The following LUZP2 variants were observed in gnomAD, a reference collection of about 807,000 sequenced individuals.
LUZP2 encodes the protein leucine zipper protein 2.
A neutral mutation model predicts 51.6 loss-of-function variants in LUZP2; 52 were observed. The ratio of observed to expected loss-of-function variants is 1.01; its 90% CI spans 0.81 to 1.27. The LOEUF (loss-of-function observed/expected upper bound fraction) is 1.27. Ranked by LOEUF, LUZP2 falls within the 50% of genes most tolerant of loss-of-function variation. The pLI is 0.00. For synonymous variants in LUZP2, 154 were observed against 137.3 expected, an observed-to-expected ratio of 1.12 and a Z score of -0.85; for missense variants, 436 against 395.4, an observed-to-expected ratio of 1.10 and a Z score of -0.87.
intron 4 of LUZP2, among the ~76,000 whole-genome samples, chr11:24,749,941 G>A (rs1190972121): frequency 4.6e-5 from 7 of 152,034 alleles, no homozygotes; most frequent in African/African-American, 9.7e-5. Flanking sequence ...ATGGGACTTC[G>A]CCTTGTGATC....
chr11:24,566,560 G>GTA (rs1428306081), intron 1 of LUZP2, among the ~76,000 whole-genome samples: 21 of 144,260 alleles, frequency 1.5e-4, no homozygotes, highest in Non-Finnish European at 3.0e-4. Context: ...ATATGTATGT[G>GTA]TATATATATC....
intron 6 of LUZP2, among the ~76,000 whole-genome samples, chr11:24,908,388 T>A (rs1216786696): frequency 6.6e-6 from 1 of 152,198 alleles, no homozygotes; most frequent in Non-Finnish European, 1.5e-5. Flanking sequence ...ATAAAAAAGC[T>A]GAGCTAAAAT....
At chr11:24,532,534 T>C (rs1851039536) in intron 1 of LUZP2, among the ~76,000 whole-genome samples, 1 of 151,108 alleles carries the variant, frequency 6.6e-6, no homozygotes. Context: ...TCTCTCCCAC[T>C]TCCATCCTTC....
At chr11:24,545,691 C>T (rs896198577) in intron 1 of LUZP2, among the ~76,000 whole-genome samples, 1 of 151,394 alleles carries the variant, frequency 6.6e-6, no homozygotes, top group Non-Finnish European at 1.5e-5. Flanking sequence ...TGCTGTAGCA[C>T]CATAGTATAG....
chr11:24,890,441 C>G (rs1243369261), intron 5 of LUZP2, among the ~76,000 whole-genome samples: 2 of 152,154 alleles, frequency 1.3e-5, no homozygotes, highest in African/African-American at 2.4e-5. Flanking sequence ...CAGATGCAAT[C>G]TCTTAAACAA....
intron 1 of LUZP2, among the ~76,000 whole-genome samples, chr11:24,634,142 GT>G (rs1410650672): frequency 1.3e-5 from 2 of 151,900 alleles, no homozygotes; most frequent in African/African-American, 4.8e-5. Context: ...CATCTTATAT[GT>G]AAATGAATTT....
At chr11:24,820,204 A>G (rs1439125542) in intron 5 of LUZP2, among the ~76,000 whole-genome samples, 1 of 152,174 alleles carries the variant, frequency 6.6e-6, no homozygotes, top group South Asian at 2.1e-4. Flanking sequence ...TGGACTTTAG[A>G]TAACATTTCG....
At chr11:24,849,346 G>T (rs79035224) in intron 5 of LUZP2, among the ~76,000 whole-genome samples, 3,375 of 152,050 alleles carry the variant, frequency 0.022, 130 homozygotes, top group African/African-American at 0.076. Flanking sequence ...TATCCTCATT[G>T]TTCAACTCTC....
chr11:24,712,844 T>C (rs17307006), intron 1 of LUZP2, among the ~76,000 whole-genome samples: 3,763 of 152,310 alleles, frequency 0.025, 63 homozygotes, highest in Non-Finnish European at 0.037. Flanking sequence ...TAATGCTGCT[T>C]TAAACTTATT....
intron 7 of LUZP2, among the ~76,000 whole-genome samples, chr11:24,925,308 C>T (rs1854191794): frequency 6.6e-6 from 1 of 152,106 alleles, no homozygotes; most frequent in African/African-American, 2.4e-5. Context: ...TTGGCCTGAA[C>T]TAATTTTTCA....
At chr11:24,883,544 G>T (rs1277576768) in intron 5 of LUZP2, among the ~76,000 whole-genome samples, 1 of 151,930 alleles carries the variant, frequency 6.6e-6, no homozygotes, top group Non-Finnish European at 1.5e-5. Context: ...TTATTGTTTG[G>T]CTTGAACTGC....
At chr11:24,640,883 T>C (rs1286395750) in intron 1 of LUZP2, among the ~76,000 whole-genome samples, 1 of 151,680 alleles carries the variant, frequency 6.6e-6, no homozygotes, top group Non-Finnish European at 1.5e-5. Flanking sequence ...TATGAAAGTG[T>C]ACTGCTTGTC....
chr11:24,727,066 T>C (rs938627264), intron 1 of LUZP2, among the ~76,000 whole-genome samples: 32 of 152,090 alleles, frequency 2.1e-4, no homozygotes, highest in Non-Finnish European at 3.4e-4. Flanking sequence ...AAATTGGTTC[T>C]GTTTTCTTCA....
intron 1 of LUZP2, among the ~76,000 whole-genome samples, chr11:24,625,657 T>C (rs1854650330): frequency 1.3e-5 from 2 of 151,844 alleles, no homozygotes; most frequent in Non-Finnish European, 2.9e-5. Context: ...AGAAAGTCCT[T>C]GAGGAAAAGT....
chr11:24,786,186 A>C (rs1849240230), intron 5 of LUZP2: 2 of 969,062 alleles, frequency 2.1e-6, no homozygotes, highest in Non-Finnish European at 2.5e-6. Context: ...ACCAAGAAGC[A>C]TATTATATAT....
intron 1 of LUZP2, among the ~76,000 whole-genome samples, chr11:24,727,489 T>C (rs1024250910): frequency 6.6e-6 from 1 of 152,046 alleles, no homozygotes; most frequent in Non-Finnish European, 1.5e-5. Context: ...TAACCCTATA[T>C]ATAATATGAC....
At chr11:24,864,652 A>G (rs905827317) in intron 5 of LUZP2, among the ~76,000 whole-genome samples, 10 of 152,176 alleles carry the variant, frequency 6.6e-5, no homozygotes, top group African/African-American at 2.4e-4. Flanking sequence ...ATGTTAGTGA[A>G]AAAGAACAAA....
chr11:24,577,134 A>C (rs568886514), intron 1 of LUZP2, among the ~76,000 whole-genome samples: 1 of 135,518 alleles, frequency 7.4e-6, no homozygotes, highest in Non-Finnish European at 1.6e-5. Flanking sequence ...TAGTATAATT[A>C]ATTGTTTATC....
At chr11:24,931,118 T>C (rs1023405244) in intron 7 of LUZP2, among the ~76,000 whole-genome samples, 2 of 151,552 alleles carry the variant, frequency 1.3e-5, no homozygotes, top group African/African-American at 4.9e-5. Flanking sequence ...GGCTGAAGCA[T>C]GAGAATCACT....
Sources: gnomAD v4.1 joint callset for allele counts (sites outside exome capture counted in the v4.1 genomes callset) on GRCh38, gnomAD v4.1.1 for gene constraint, MANE v1.5 for transcripts, NCBI Gene and HGNC (gene_info 2026-07-23, HGNC 2026-07-21) for gene names.